ABCC12: variants seen among roughly 807,000 people sequenced by gnomAD.
The protein encoded by ABCC12 is ATP binding cassette subfamily C member 12.
ABCC12 carries 142 observed loss-of-function variants against 151.1 expected under a neutral mutation model. The observed-to-expected ratio is 0.94, with a 90% confidence interval of 0.82 to 1.08. The LOEUF is 1.08. Among genes scored for constraint, ABCC12 ranks in the 50% least tolerant of loss-of-function variants. The pLI is 0.00. For missense variants in ABCC12, 1,638 were observed against 1,691.1 expected, an observed-to-expected ratio of 0.97 and a Z score of 0.55; for synonymous variants, 645 against 646.4, an observed-to-expected ratio of 1.00 and a Z score of 0.03.
chr16:48,140,925 A>T lies in ABCC12; in HGVS notation c.424-5T>A, dbSNP rs1369248580. 1.2e-6 allele frequency: 2 copies of T among 1,612,132 alleles called. No homozygotes were observed. Among genetic ancestry groups the T allele is most frequent in the East Asian group, 4.5e-5 (2 of 44,872 alleles). On this transcript the variant is annotated splice_polypyrimidine_tract_variant and splice_region_variant and intron_variant, in intron 5 of 30. Transcript: ENST00000311303. Reference sequence around the variant, plus strand: ...GATTTGGTGAATGAGAACTGTCTGTAAAACAGCATGGTGGGGAGAAGAGAG... The same window carrying T: ...GATTTGGTGAATGAGAACTGTCTGTTAAACAGCATGGTGGGGAGAAGAGAG...
rs1239747919 is a variant in ABCC12 at position 48,105,226 on chromosome 16, C to T, written c.2586G>A (p.Met862Ile). The T allele has an allele frequency of 6.2e-7, 1 of 1,614,166 alleles. No homozygotes were observed. The highest frequency in any genetic ancestry group is 1.1e-5 in the South Asian group (1 of 91,068). ...AGCCTTTGGTGACGCCAAACACCAGCATGAACACCATGCTTGCAGTGTACA... is the reference window on the plus strand; with the variant it reads ...AGCCTTTGGTGACGCCAAACACCAGTATGAACACCATGCTTGCAGTGTACA... ...QWVYTASMVF[M>I]LVFGVTKGFV... is the part of the protein sequence containing the mutation. The change falls in exon 21 of 31, where the codon ATG (methionine) becomes ATA (isoleucine). Residue 862 changes from methionine (M) to isoleucine (I), a missense_variant. Met to Ile is a conservative substitution (Grantham distance 10, BLOSUM62 1). Transcript: ENST00000311303.
chr16:48,117,064 C>T (rs1190667040), intron 14 of ABCC12, among the ~76,000 whole-genome samples, 197 bp downstream of exon 14: 3 of 152,220 alleles, frequency 2.0e-5, no homozygotes, highest in Admixed American at 6.5e-5. Flanking sequence ...CACCAGTAAG[C>T]TTGGTGCCAC....
intron 11 of ABCC12, 62 bp from the exon 12 acceptor site, chr16:48,124,346 A>G: frequency 3.2e-6 from 5 of 1,549,158 alleles, no homozygotes; most frequent in Non-Finnish European, 4.5e-6. Context: ...GGTCTGGCCC[A>G]AAGGTGCCAC....
At chr16:48,114,655 C>G (rs1272258580) in intron 15 of ABCC12, among the ~76,000 whole-genome samples, 2 of 152,176 alleles carry the variant, frequency 1.3e-5, no homozygotes, top group Non-Finnish European at 2.9e-5. Context: ...CCCCTTCCCC[C>G]ACACATCTCT....
chr16:48,090,401 C>CTTTT (rs1011013161), intron 25 of ABCC12, among the ~76,000 whole-genome samples: 3 of 118,930 alleles, frequency 2.5e-5, no homozygotes, highest in Non-Finnish European at 5.3e-5. Flanking sequence ...CAAATTTGAA[C>CTTTT]TTTTTTTTTT....
chr16:48,123,251 A>G (rs1466243678), intron 12 of ABCC12, among the ~76,000 whole-genome samples: 1 of 152,202 alleles, frequency 6.6e-6, no homozygotes, highest in Non-Finnish European at 1.5e-5. Flanking sequence ...GATGCTATTA[A>G]GAGTATTCAC....
In ABCC12 at chr16:48,130,838, AG is replaced by A. The variant is rs755680592; in HGVS notation, c.1185del (p.Phe396SerfsTer13). 40 of 1,613,796 alleles carry A rather than the reference AG, an allele frequency of 2.5e-5. No homozygotes were observed. Among genetic ancestry groups the A allele is most frequent in the Admixed American group, 6.7e-5 (4 of 60,016 alleles). On this transcript the variant is annotated frameshift_variant, in exon 10 of 31. Transcript: ENST00000311303. LOFTEE classifies it high-confidence loss of function. ...GCTTCAGCCATTGCTTTGATGGAGA[AG>A]GGCAAGATTGCAATGGAAAACTTCA... ...NVMKFSIAIL[P>X]FSIKAMAEAN...
intron 28 of ABCC12, 22 bp from the exon 29 acceptor site, chr16:48,085,728 A>G (rs759796442): frequency 6.4e-7 from 1 of 1,573,840 alleles, no homozygotes; most frequent in Non-Finnish European, 8.7e-7. Context: ...AAAAAATGCC[A>G]CATTTGTGCT....
intron 21 of ABCC12, 145 bp downstream of exon 21, chr16:48,104,994 G>A (rs915788358): frequency 5.7e-6 from 5 of 877,696 alleles, no homozygotes; most frequent in Non-Finnish European, 8.8e-6. Flanking sequence ...TTAGCTATTT[G>A]GGAGACTCTT....
chr16:48,105,874 A>G (rs1327091764), intron 20 of ABCC12, among the ~76,000 whole-genome samples: 2 of 152,122 alleles, frequency 1.3e-5, no homozygotes, highest in African/African-American at 4.8e-5. Flanking sequence ...CCAAGGGGTA[A>G]CAGAGAGGGT....
chr16:48,119,181 C>T (rs947517239), intron 13 of ABCC12, among the ~76,000 whole-genome samples: 1 of 152,176 alleles, frequency 6.6e-6, no homozygotes. Context: ...CTTTCAAAGC[C>T]CAATTCAAGT....
Position 48,141,215 on chromosome 16 carries a change from G to A in ABCC12, c.414C>T (p.Ala138=), listed in dbSNP as rs758541400. 1.2e-6 allele frequency: 2 copies of A among 1,613,976 alleles called. No homozygotes were observed. The highest frequency in any genetic ancestry group is 2.7e-5 in the African/African-American group (2 of 75,048). The part of the protein sequence containing the change: ...VANILCIIMA[A]IGPTVLIHQI... The stretch of plus-strand genomic sequence containing the variant: ...GGGCTGCCGCACTCACCGGCCCTAT[G>A]GCTGCCATGATGATGCACAGGATGT... Residue 138 remains alanine, a synonymous_variant, in exon 5 of 31, where the codon GCC becomes GCT. Coordinates refer to ENST00000311303, the MANE Select transcript of ABCC12 (RefSeq NM_001393797.1).
chr16:48,146,529 C>A, intron 2 of ABCC12, 55 bp from the exon 3 acceptor site: 1 of 888,740 alleles, frequency 1.1e-6, no homozygotes, highest in Non-Finnish European at 1.8e-6. Context: ...TGATTGGGAT[C>A]AGGCAGCCTC....
At chr16:48,141,444 C>A in intron 4 of ABCC12, 91 bp from the exon 5 acceptor site, 2 of 1,516,354 alleles carry the variant, frequency 1.3e-6, no homozygotes, top group Non-Finnish European at 1.8e-6. Context: ...CAAGGGTGCT[C>A]GGCAGAGCCC....
At position 48,133,767 on chromosome 16, in the gene ABCC12, C is replaced by T. The variant is rs200187794; in HGVS notation, c.1048G>A (p.Ala350Thr). The change falls in exon 9 of 31, where the codon GCC becomes ACC. Residue 350 changes from alanine to threonine, a missense_variant. Physicochemically the swap from Ala to Thr is moderately conservative, Grantham distance 58. Coordinates refer to ENST00000311303, the MANE Select transcript of ABCC12 (RefSeq NM_001393797.1). ...GFVQSGNSAL[A>T]PIVSTIAIVL... ...ATGGCTATGGTGGACACGATGGGGG[C>T]CAGGGCAGAGTTTCCACTTTGGACA... The T allele has an allele frequency of 6.2e-7, 1 of 1,614,010 alleles. No homozygotes were observed. The highest frequency in any genetic ancestry group is 2.2e-5 in the East Asian group (1 of 44,874).
intron 23 of ABCC12, 54 bp from the exon 24 acceptor site, chr16:48,096,956 A>G: frequency 6.2e-7 from 1 of 1,612,070 alleles, no homozygotes; most frequent in Non-Finnish European, 8.5e-7. Context: ...AATCAGAAAA[A>G]GCAGGAGATC....
intron 7 of ABCC12, 126 bp downstream of exon 7, chr16:48,139,037 G>C: frequency 8.8e-7 from 1 of 1,139,398 alleles, no homozygotes; most frequent in Non-Finnish European, 1.2e-6. Context: ...GCCAAAGGAA[G>C]TAAATCTGTG....
chr16:48,115,112 C>T (rs767108423), intron 15 of ABCC12, among the ~76,000 whole-genome samples: 4 of 152,150 alleles, frequency 2.6e-5, no homozygotes, highest in African/African-American at 4.8e-5. Context: ...TCTTACCAGG[C>T]GCCCAGAACT....
intron 25 of ABCC12, among the ~76,000 whole-genome samples, 157 bp downstream of exon 25, chr16:48,090,963 G>A (rs62058512): frequency 6.6e-6 from 1 of 152,098 alleles, no homozygotes; most frequent in Non-Finnish European, 1.5e-5. Context: ...TGCCCGCCTC[G>A]GCCTCCCAAA....
Sources: gnomAD v4.1 joint callset for allele counts (sites outside exome capture counted in the v4.1 genomes callset) on GRCh38, gnomAD v4.1.1 for gene constraint, MANE v1.5 for transcripts, NCBI Gene and HGNC (gene_info 2026-07-23, HGNC 2026-07-21) for gene names.